Variants in SPATA6L observed in about 807,000 individuals in gnomAD.
The protein encoded by SPATA6L is spermatogenesis associated 6-like protein.
A neutral mutation model predicts 49.2 loss-of-function variants in SPATA6L; 68 were observed. The observed-to-expected ratio is 1.38, with a 90% CI of 1.14 to 1.69. The LOEUF (loss-of-function observed/expected upper bound fraction) is 1.69. Ranked by LOEUF, SPATA6L falls within the 40% of genes most tolerant of loss-of-function variation. The pLI, the probability that SPATA6L is intolerant of heterozygous loss-of-function variation, is 0.00. For missense variants in SPATA6L, 668 were observed against 464.3 expected, an observed-to-expected ratio of 1.44 and a Z score of -4.03; for synonymous variants, 198 against 165.7, an observed-to-expected ratio of 1.19 and a Z score of -1.50.
At chr9:4,639,888 G>A (rs1163478790) in intron 3 of SPATA6L, among the ~76,000 whole-genome samples, 1 of 152,190 alleles carries the variant, frequency 6.6e-6, no homozygotes, top group East Asian at 1.9e-4. Flanking sequence ...TACAGATAAG[G>A]AAACTGAGGC....
At chr9:4,653,894 G>A (rs115844983) in intron 3 of SPATA6L, among the ~76,000 whole-genome samples, 5,911 of 152,292 alleles carry the variant, frequency 0.039, 238 homozygotes, top group African/African-American at 0.081. Context: ...CTATGATCGT[G>A]CCACTGCACT....
rs575243327 is a variant in SPATA6L at position 4,590,950 on chromosome 9, C to T, written c.*255-1989G>A. 5.9e-5 allele frequency among the ~76,000 whole-genome samples: 9 copies of T among 152,238 alleles called. No individual in the cohort carries two copies. The South Asian group carries it at 1.2e-3, about 21-fold the overall frequency. On this transcript the variant is annotated intron_variant and NMD_transcript_variant, in intron 13 of 13. Transcript: ENST00000461761. ...AGCACAATGTCGCATCATCTTCTTT[C>T]GCTTCGGGGCACTTGAGGGAATGCG... is the stretch of plus-strand genomic sequence containing the variant.
At chr9:4,637,652 C>T (rs1456701483) in intron 3 of SPATA6L, among the ~76,000 whole-genome samples, 1 of 152,162 alleles carries the variant, frequency 6.6e-6, no homozygotes, top group Non-Finnish European at 1.5e-5. Flanking sequence ...TAACGGTAGA[C>T]ATTTTAAAAT....
chr9:4,638,822 T>C (rs1833413345), intron 3 of SPATA6L, among the ~76,000 whole-genome samples: 3 of 151,532 alleles, frequency 2.0e-5, no homozygotes, highest in African/African-American at 7.3e-5. Context: ...TCTCGCCCTG[T>C]CACCCAGGCT....
At chr9:4,616,432 A>T (rs191315349) in intron 9 of SPATA6L, among the ~76,000 whole-genome samples, 2 of 152,130 alleles carry the variant, frequency 1.3e-5, no homozygotes, top group African/African-American at 4.8e-5. Flanking sequence ...ATCCTCTACA[A>T]GTCTTTAAAT....
intron 10 of SPATA6L, among the ~76,000 whole-genome samples, chr9:4,604,471 C>A (rs1050717571): frequency 6.6e-6 from 1 of 152,152 alleles, no homozygotes; most frequent in Middle Eastern, 3.4e-3. Context: ...GGTCTTGAAC[C>A]TCCTGGCCTC....
In SPATA6L at chr9:4,604,233, T is replaced by C. The variant is rs771987533; in HGVS notation, c.1126A>G (p.Arg376Gly). The C allele has an allele frequency of 2.8e-5, 45 of 1,611,976 alleles. No homozygotes were observed. The South Asian group carries it at 4.7e-4, about 17-fold the overall frequency. The stretch of plus-strand genomic sequence containing the variant: ...TATTTCTTCAGAGGGTAGCTTGGTC[T>C]TTCAATGATATAATTTACTTCAGAG... ...STSEVNYIIE[R>G]PSYPLKKYSL... The change falls in exon 11 of 12, where the codon AGA becomes GGA. Residue 376 changes from arginine (R) to glycine (G), a missense_variant. Arg to Gly is a moderately radical substitution (Grantham distance 125, BLOSUM62 -2). Coordinates refer to ENST00000682582, the MANE Select transcript of SPATA6L (RefSeq NM_001353486.2).
downstream of SPATA6L, among the ~76,000 whole-genome samples, chr9:4,593,613 C>T (rs984487052): frequency 6.6e-6 from 1 of 152,176 alleles, no homozygotes; most frequent in Non-Finnish European, 1.5e-5. Context: ...CCCCTACAGT[C>T]GGGCTTCCAC....
At chr9:4,654,473 C>A (rs1384761268) in intron 3 of SPATA6L, among the ~76,000 whole-genome samples, 1 of 152,078 alleles carries the variant, frequency 6.6e-6, no homozygotes, top group Non-Finnish European at 1.5e-5. Flanking sequence ...TACAGTTTGC[C>A]GTCTATAGGT....
Position 4,622,566 on chromosome 9 carries a change from C to A in SPATA6L, c.670-56G>T, listed in dbSNP as rs143030386. The A allele has an allele frequency of 4.4e-3, 5,263 of 1,208,716 alleles. 93 individuals carry two copies. In the Middle Eastern group the frequency reaches 0.047, roughly 11 times the overall value. 74.9% of individuals were successfully genotyped at this position (1,208,716 alleles called of 1,614,324 possible). A position where few individuals can be genotyped will look rare whatever the true frequency, so the allele number is the denominator to read the frequency against. ...ATCCACTATAGCTTCTAGTACCCTC[C>A]CCTCGTTACCGGAATGCCTGTCTCC... On this transcript the variant is annotated intron_variant, in intron 6 of 11. Transcript: ENST00000682582.
rs531230894 is a variant in SPATA6L, at chr9:4,659,162, G to A, written c.177+2737C>T. On this transcript the variant is annotated intron_variant, in intron 2 of 11. Transcript: ENST00000682582. ...CTCTCCTCACTTATCCAGCCAGTTT[G>A]GTACATTCTTCATTTAAATTAATAG... Among the ~76,000 whole-genome samples the A allele has an allele frequency of 9.9e-5, 15 of 152,164 alleles. No homozygotes were observed. In the South Asian group the frequency reaches 2.3e-3, roughly 23 times the overall value.
chr9:4,629,016 G>T, intron 5 of SPATA6L, 75 bp downstream of exon 5: 2 of 1,053,932 alleles, frequency 1.9e-6, no homozygotes, highest in South Asian at 1.4e-5. Context: ...AATAAACTGA[G>T]TTTGGGCAAA....
chr9:4,642,492 C>G (rs2130640661), intron 3 of SPATA6L, among the ~76,000 whole-genome samples: 1 of 152,282 alleles, frequency 6.6e-6, no homozygotes, highest in Admixed American at 6.5e-5. Flanking sequence ...GGGTTCTTTT[C>G]TGTCTCCAGC....
chr9:4,637,408 G>A (rs1450916757), intron 3 of SPATA6L, among the ~76,000 whole-genome samples: 1 of 152,138 alleles, frequency 6.6e-6, no homozygotes, highest in African/African-American at 2.4e-5. Flanking sequence ...TTCAACGTAA[G>A]ATTTACCACT....
chr9:4,641,851 C>T (rs924325268), intron 3 of SPATA6L, among the ~76,000 whole-genome samples: 2 of 152,232 alleles, frequency 1.3e-5, no homozygotes, highest in African/African-American at 4.8e-5. Context: ...CAGCTCACTG[C>T]AGCCTCAACC....
chr9:4,627,939 T>C, intron 5 of SPATA6L: 1 of 602,200 alleles, frequency 1.7e-6, no homozygotes, highest in Non-Finnish European at 2.6e-6. Context: ...TTATTTTTTA[T>C]GTCTTGCAAC....
At chr9:4,604,310 A>G in intron 10 of SPATA6L, 41 bp from the exon 11 acceptor site, 2 of 1,320,048 alleles carry the variant, frequency 1.5e-6, no homozygotes, top group Middle Eastern at 1.9e-4. Context: ...TACCCATAAC[A>G]TAATAGAGAT....
At chr9:4,612,923 C>G (rs1827117408) in intron 9 of SPATA6L, among the ~76,000 whole-genome samples, 1 of 152,018 alleles carries the variant, frequency 6.6e-6, no homozygotes, top group African/African-American at 2.4e-5. Flanking sequence ...TCTAAAAACA[C>G]CCAAAGAATT....
chr9:4,589,924 T>A (rs1821796835), intron 13 of SPATA6L, among the ~76,000 whole-genome samples: 1 of 152,158 alleles, frequency 6.6e-6, no homozygotes, highest in Non-Finnish European at 1.5e-5. Context: ...CTTTGGGAAC[T>A]ATATATTTAT....
Sources: gnomAD v4.1 joint callset for allele counts (sites outside exome capture counted in the v4.1 genomes callset) on GRCh38, gnomAD v4.1.1 for gene constraint, MANE v1.5 for transcripts, NCBI Gene and HGNC (gene_info 2026-07-23, HGNC 2026-07-21) for gene names.